CTNNA2: variants seen among roughly 807,000 people sequenced by gnomAD.
CTNNA2 encodes catenin alpha-2.
Under a neutral mutation model 101.0 loss-of-function variants are expected in CTNNA2, and 42 were observed. The ratio of observed to expected loss-of-function variants is 0.42; its 90% confidence interval spans 0.32 to 0.54. The LOEUF is 0.54. CTNNA2 is among the 20% of genes least tolerant of loss of function. The pLI, the probability that CTNNA2 is intolerant of heterozygous loss-of-function variation, is 0.14. For synonymous variants in CTNNA2, 450 were observed against 456.4 expected, an observed-to-expected ratio of 0.99 and a Z score of 0.18; for missense variants, 871 against 1,223.1, an observed-to-expected ratio of 0.71 and a Z score of 4.29.
At chr2:80,169,733 T>C (rs144459334) in intron 7 of CTNNA2, among the ~76,000 whole-genome samples, 19 of 152,278 alleles carry the variant, frequency 1.2e-4, no homozygotes, top group African/African-American at 4.6e-4. Flanking sequence ...CTCCGTGTCA[T>C]TTTGGCTGTG....
intron 7 of CTNNA2, among the ~76,000 whole-genome samples, chr2:80,391,624 C>A (rs115590671): frequency 0.012 from 1,757 of 152,276 alleles, 16 homozygotes; most frequent in Non-Finnish European, 0.017. Flanking sequence ...GAGAACCAAA[C>A]AGAAAAGGAA....
At chr2:79,313,340 T>A (rs1676426522) in intron 3 of CTNNA2, among the ~76,000 whole-genome samples, 1 of 152,196 alleles carries the variant, frequency 6.6e-6, no homozygotes, top group Non-Finnish European at 1.5e-5. Context: ...ATCAGAGCAC[T>A]TGCTAGCAGA....
chr2:79,812,793 A>G (rs1231924729), intron 3 of CTNNA2, among the ~76,000 whole-genome samples: 2 of 152,138 alleles, frequency 1.3e-5, no homozygotes, highest in African/African-American at 4.8e-5. Context: ...GCTGGGTGAT[A>G]GACCTCAGCT....
intron 7 of CTNNA2, among the ~76,000 whole-genome samples, chr2:80,242,777 T>C (rs1671038364): frequency 6.6e-6 from 1 of 152,146 alleles, no homozygotes; most frequent in East Asian, 1.9e-4. Flanking sequence ...GCTGTTCCTC[T>C]GCCAGCCTGG....
At chr2:80,220,216 C>T (rs1708498493) in intron 7 of CTNNA2, among the ~76,000 whole-genome samples, 1 of 152,174 alleles carries the variant, frequency 6.6e-6, no homozygotes, top group Non-Finnish European at 1.5e-5. Flanking sequence ...ACTAATTCAT[C>T]AGTTCATGCT....
chr2:79,404,112 CA>C (rs1678316529), intron 4 of CTNNA2, among the ~76,000 whole-genome samples: 1 of 148,964 alleles, frequency 6.7e-6, no homozygotes, highest in Non-Finnish European at 1.5e-5. Flanking sequence ...ATACTGAAAG[CA>C]AAAGTCTTGC....
chr2:79,457,984 A>G (rs1670843447), intron 4 of CTNNA2, among the ~76,000 whole-genome samples: 1 of 152,162 alleles, frequency 6.6e-6, no homozygotes. Context: ...CCCTCACATT[A>G]TAGTCACAAA....
At chr2:80,132,132 G>A (rs914907097) in intron 7 of CTNNA2, among the ~76,000 whole-genome samples, 4 of 151,996 alleles carry the variant, frequency 2.6e-5, no homozygotes, top group African/African-American at 9.7e-5. Context: ...TTTCTGCTTG[G>A]ATGATATGCC....
chr2:79,283,187 A>C (rs2104343987), intron 2 of CTNNA2, among the ~76,000 whole-genome samples: 1 of 100,930 alleles, frequency 9.9e-6, no homozygotes, highest in South Asian at 4.1e-4. Flanking sequence ...GGTTGTGAAA[A>C]TTTTCTCCCA....
At chr2:79,749,444 G>A (rs1229095697) in intron 3 of CTNNA2, among the ~76,000 whole-genome samples, 3 of 152,180 alleles carry the variant, frequency 2.0e-5, no homozygotes, top group Non-Finnish European at 4.4e-5. Context: ...AGGATATCTA[G>A]TTTGGTGTGT....
chr2:79,909,522 T>G (rs1685645365), intron 6 of CTNNA2, 72 bp from the exon 7 acceptor site: 1 of 1,303,290 alleles, frequency 7.7e-7, no homozygotes, highest in East Asian at 2.4e-5. Context: ...ATATTTCTGG[T>G]TTCAAAACAG....
At chr2:80,274,111 C>T (rs1673709941) in intron 7 of CTNNA2, among the ~76,000 whole-genome samples, 1 of 152,088 alleles carries the variant, frequency 6.6e-6, no homozygotes, top group African/African-American at 2.4e-5. Flanking sequence ...AAAGAATGGA[C>T]ATAGGACAGG....
At chr2:80,081,473 G>C (rs76515801) in intron 7 of CTNNA2, among the ~76,000 whole-genome samples, 3,131 of 151,930 alleles carry the variant, frequency 0.021, 115 homozygotes, top group African/African-American at 0.071. Flanking sequence ...CATGTGATAA[G>C]AAAAGTCTCT....
At chr2:79,264,100 A>T (rs2104290487) in intron 2 of CTNNA2, among the ~76,000 whole-genome samples, 1 of 152,282 alleles carries the variant, frequency 6.6e-6, no homozygotes, top group African/African-American at 2.4e-5. Flanking sequence ...CAGAGAAAAT[A>T]CAACTCAGGA....
chr2:79,769,757 G>T (rs909953118), intron 3 of CTNNA2, among the ~76,000 whole-genome samples: 6 of 152,198 alleles, frequency 3.9e-5, no homozygotes, highest in African/African-American at 9.7e-5. Context: ...CTGATTAGGA[G>T]TTCTCCAATG....
intron 7 of CTNNA2, chr2:80,162,364 C>G: frequency 7.8e-7 from 1 of 1,287,828 alleles, no homozygotes; most frequent in East Asian, 2.4e-5. Context: ...CTGCTCTGTA[C>G]AGTTTTTCAA....
chr2:79,412,050 A>T (rs1406791906), intron 4 of CTNNA2, among the ~76,000 whole-genome samples: 1 of 152,100 alleles, frequency 6.6e-6, no homozygotes, highest in African/African-American at 2.4e-5. Flanking sequence ...ATGGAGGAAG[A>T]TCTACCAAGC....
At chr2:79,415,652 G>A (rs920913275) in intron 4 of CTNNA2, among the ~76,000 whole-genome samples, 1 of 152,086 alleles carries the variant, frequency 6.6e-6, no homozygotes, top group African/African-American at 2.4e-5. Flanking sequence ...GCAATAGTGG[G>A]CTTCTTATTG....
At chr2:79,280,628 T>TGTGTGTGC in intron 2 of CTNNA2, among the ~76,000 whole-genome samples, 1 of 113,992 alleles carries the variant, frequency 8.8e-6, no homozygotes, top group Admixed American at 1.0e-4. Context: ...GTATGCTGTG[T>TGTGTGTGC]GTGTGTGTGT....
Sources: gnomAD v4.1 joint callset for allele counts (sites outside exome capture counted in the v4.1 genomes callset) on GRCh38, gnomAD v4.1.1 for gene constraint, MANE v1.5 for transcripts, NCBI Gene and HGNC (gene_info 2026-07-23, HGNC 2026-07-21) for gene names.